The following FNDC5 variants were observed in gnomAD, a reference collection of about 807,000 sequenced individuals.
The protein encoded by FNDC5 is fibronectin type III domain-containing protein 5.
FNDC5 carries 10 observed loss-of-function variants against 24.6 expected under a neutral mutation model. The ratio of observed to expected loss-of-function variants is 0.41; its 90% confidence interval spans 0.25 to 0.69. FNDC5 has a LOEUF of 0.69. FNDC5 is among the 30% of genes least tolerant of loss of function. FNDC5 has a pLI of 0.34. For synonymous variants in FNDC5, 90 were observed against 110.7 expected (o/e 0.81, Z 1.18); for missense variants, 226 against 282.9 (o/e 0.80, Z 1.44).
At chr1:32,870,570 G>T in intron 1 of FNDC5, 83 bp downstream of exon 1, 1 of 875,718 alleles carries the variant, frequency 1.1e-6, no homozygotes, top group Non-Finnish European at 1.5e-6. Flanking sequence ...CTAGGGGGCA[G>T]AGAAAGGACC....
Position 32,863,666 on chromosome 1 carries a change from C to G in FNDC5, c.*628G>C. 4 of 1,286,310 alleles carry G rather than the reference C, an allele frequency of 3.1e-6. No homozygotes were observed. Among genetic ancestry groups the G allele is most frequent in the Non-Finnish European group, 4.1e-6 (4 of 972,688 alleles). 79.7% of individuals were successfully genotyped at this position (1,286,310 alleles called of 1,614,324 possible). A position where few individuals can be genotyped will look rare whatever the true frequency, so the allele number is the denominator to read the frequency against. ...CTCCTCCCCACTGCTGCAGTTGTCCCTCTCCCTGTGCCCGTGGGCCTGGGG... is the reference window on the plus strand; with the variant it reads ...CTCCTCCCCACTGCTGCAGTTGTCCGTCTCCCTGTGCCCGTGGGCCTGGGG... On this transcript the variant is annotated 3_prime_UTR_variant, in exon 6 of 6. Transcript: ENST00000373471.
rs367966100 is a variant in FNDC5, at chr1:32,867,738, G to A, written c.499+15C>T. ...GAATCTGAGGGAAGAAGAAGGTCTC[G>A]GAGGCCAGACTCACCTGCCCACATG... On this transcript the variant is annotated intron_variant, in intron 4 of 5. Coordinates refer to ENST00000373471, the MANE Select transcript of FNDC5 (RefSeq NM_153756.3). The A allele has an allele frequency of 3.9e-5, 63 of 1,611,206 alleles. No homozygotes were observed. In the East Asian group the frequency reaches 6.9e-4, roughly 18 times the overall value.
rs1289483196 is a variant in FNDC5, at chr1:32,868,183, G to A, written c.409+7C>T. 6.2e-7 allele frequency: 1 copy of A among 1,613,782 alleles called. No homozygotes were observed. Among genetic ancestry groups the A allele is most frequent in the Admixed American group, 1.7e-5 (1 of 60,010 alleles). On this transcript the variant is annotated splice_region_variant and intron_variant, in intron 3 of 5. Transcript: ENST00000373471. The surrounding 1 kb of genome is among the most constrained non-coding windows in gnomAD (Gnocchi z 4.8). ...CCCCATTCCTCTTAACAGTGACCCG[G>A]GCCTGCCTTTGTTCTTGGAGGCCAT...
At chr1:32,867,877 T>G (rs371838288) in intron 3 of FNDC5, 35 bp from the exon 4 acceptor site, 2 of 1,604,250 alleles carry the variant, frequency 1.2e-6, no homozygotes, top group African/African-American at 1.3e-5. Flanking sequence ...CAGCACTCCT[T>G]TCCTCCCTCA....
At position 32,863,986 on chromosome 1, in the gene FNDC5, C is replaced by A; in HGVS notation, c.*308G>T. 1 of 1,332,328 alleles carries A rather than the reference C, an allele frequency of 7.5e-7. No individual in the cohort carries two copies. The highest frequency in any genetic ancestry group is 9.7e-7 in the Non-Finnish European group (1 of 1,032,752). 82.5% of individuals were successfully genotyped at this position (1,332,328 alleles called of 1,614,324 possible). On this transcript the variant is annotated 3_prime_UTR_variant, in exon 6 of 6. Coordinates refer to ENST00000373471, the MANE Select transcript of FNDC5 (RefSeq NM_153756.3). ...AAACCCAGCCTTCAGCCTCACTCAA[C>A]TGAATGGCCAAGACTGGGTCCTGGG...
In FNDC5 at chr1:32,870,668, C is replaced by G. The variant is rs1168031346; in HGVS notation, c.79G>C (p.Ala27Pro). The G allele has an allele frequency of 8.3e-7, 1 of 1,207,414 alleles. No homozygotes were observed. Among genetic ancestry groups the G allele is most frequent in the East Asian group, 3.4e-5 (1 of 29,768 alleles). The allele number at this position is 1,207,414 out of a possible 1,614,324, so 74.8% of individuals were successfully genotyped here. ...GCCCCCTTACCCGCCTGCACCAGCG[C>G]GAAGCAGACGCAGCCCAGCCACAGG... The change falls in exon 1 of 6, where the codon GCG (alanine) becomes CCG (proline). Residue 27 changes from alanine (A) to proline (P), a missense_variant. Coordinates refer to ENST00000373471, the MANE Select transcript of FNDC5 (RefSeq NM_153756.3).
chr1:32,867,688 G>A, intron 4 of FNDC5, 65 bp downstream of exon 4: 1 of 1,488,066 alleles, frequency 6.7e-7, no homozygotes, highest in Non-Finnish European at 9.3e-7. Flanking sequence ...GAGAGAAGGG[G>A]CTGGTCAGAG....
rs1258376954 is a variant in FNDC5, at chr1:32,867,730, A to G, written c.499+23T>C. On this transcript the variant is annotated intron_variant, in intron 4 of 5. Coordinates refer to ENST00000373471, the MANE Select transcript of FNDC5 (RefSeq NM_153756.3). ...ATTTCCCAGAATCTGAGGGAAGAAG[A>G]AGGTCTCGGAGGCCAGACTCACCTG... The G allele has an allele frequency of 3.1e-6, 5 of 1,608,220 alleles. No individual in the cohort carries two copies. The East Asian group carries it at 6.7e-5, about 22-fold the overall frequency.
Position 32,864,311 on chromosome 1 carries a change from A to T in FNDC5, c.634-12T>A. 6.2e-7 allele frequency: 1 copy of T among 1,614,094 alleles called. No homozygotes were observed. The highest frequency in any genetic ancestry group is 1.3e-5 in the African/African-American group (1 of 75,054). ...AAAGGTTTTCATATCTGTTTTACAG[A>T]AGAGGAAATGAAGGTACAGCGGTAA... is the stretch of plus-strand genomic sequence containing the variant. On this transcript the variant is annotated splice_polypyrimidine_tract_variant and intron_variant, in intron 5 of 5. Transcript: ENST00000373471.
chr1:32,863,683 G>A lies in FNDC5; in HGVS notation c.*611C>T. 2.3e-6 allele frequency: 3 copies of A among 1,302,872 alleles called. No homozygotes were observed. The South Asian group carries it at 3.7e-5, about 16-fold the overall frequency. 80.7% of individuals were successfully genotyped at this position (1,302,872 alleles called of 1,614,324 possible). A position where few individuals can be genotyped will look rare whatever the true frequency, so the allele number is the denominator to read the frequency against. ...AGTTGTCCCTCTCCCTGTGCCCGTG[G>A]GCCTGGGGACCAGCTGAGAAGAAAA... On this transcript the variant is annotated 3_prime_UTR_variant, in exon 6 of 6. Coordinates refer to ENST00000373471, the MANE Select transcript of FNDC5 (RefSeq NM_153756.3).
intron 4 of FNDC5, among the ~76,000 whole-genome samples, chr1:32,865,162 C>T (rs1298545): frequency 1.3e-4 from 20 of 152,016 alleles, no homozygotes; most frequent in East Asian, 2.0e-4. Context: ...TGCAATGGCG[C>T]GATCTCGGTT....
In FNDC5 at chr1:32,863,422, T is replaced by TC. The variant is rs1275013717; in HGVS notation, c.*871dup. On this transcript the variant is annotated 3_prime_UTR_variant, in exon 6 of 6. Coordinates refer to ENST00000373471, the MANE Select transcript of FNDC5 (RefSeq NM_153756.3). ...CTTGAGTCAGTCCTTGTGCTTGTCA[T>TC]CTCCCAGGGCTTTGTGCATTTTCTC... 6 of 266,566 alleles carry TC rather than the reference T, an allele frequency of 2.3e-5. No homozygotes were observed. The highest frequency in any genetic ancestry group is 4.5e-5 in the Non-Finnish European group (6 of 132,224). The allele number at this position is 266,566 out of a possible 1,614,324, so 16.5% of individuals were successfully genotyped here.
intron 5 of FNDC5, 106 bp from the exon 6 acceptor site, chr1:32,864,405 C>A: frequency 6.5e-7 from 1 of 1,535,706 alleles, no homozygotes. Context: ...CCTATTGTCC[C>A]GCGCCAACCA....
Position 32,867,848 on chromosome 1 carries a change from G to C in FNDC5, c.410-6C>G, listed in dbSNP as rs1202688260. The C allele has an allele frequency of 1.2e-6, 2 of 1,613,654 alleles. No individual in the cohort carries two copies. The highest frequency in any genetic ancestry group is 1.7e-6 in the Non-Finnish European group (2 of 1,179,830). ...CTCTTTCATGGTTACCTCATCTGCAGGGAGAGAGACACTAGATCCAGCACT... is the reference window on the plus strand; with the variant it reads ...CTCTTTCATGGTTACCTCATCTGCACGGAGAGAGACACTAGATCCAGCACT... On this transcript the variant is annotated splice_region_variant and splice_polypyrimidine_tract_variant and intron_variant, in intron 3 of 5. Transcript: ENST00000373471.
In FNDC5 at chr1:32,864,691, G is replaced by C; in HGVS notation, c.606C>G (p.His202Gln). The C allele has an allele frequency of 6.2e-7, 1 of 1,614,150 alleles. No individual in the cohort carries two copies. Among genetic ancestry groups the C allele is most frequent in the Non-Finnish European group, 8.5e-7 (1 of 1,180,040 alleles). The change falls in exon 5 of 6, where the codon CAC becomes CAG. Residue 202 changes from histidine to glutamine, a missense_variant. By Grantham distance (24) the His-to-Gln change is conservative. Transcript: ENST00000373471. ...TGCTGCGGAGAAGCCCCCCGCCCTGGTGCTCTGGTGTGCTGGTTTCTGATG... is the reference window on the plus strand; with the variant it reads ...TGCTGCGGAGAAGCCCCCCGCCCTGCTGCTCTGGTGTGCTGGTTTCTGATG...
At position 32,868,361 on chromosome 1, in the gene FNDC5, T is replaced by A; in HGVS notation, c.238A>T (p.Ile80Phe). ...CGGGTGGTGGTGTTCACCTCCTGGA[T>A]GAAGCGCAGCATCCGCACATCCTTC... Residue 80 changes from isoleucine to phenylalanine, a missense_variant, in exon 3 of 6, where the codon ATC becomes TTC. Physicochemically the swap from Ile to Phe is conservative, Grantham distance 21. Coordinates refer to ENST00000373471, the MANE Select transcript of FNDC5 (RefSeq NM_153756.3). This position sits in a 1 kb window ranked among gnomAD's most constrained non-coding sequence, Gnocchi z 4.8. 1 of 1,614,112 alleles carries A rather than the reference T, an allele frequency of 6.2e-7. No homozygotes were observed. Among genetic ancestry groups the A allele is most frequent in the Non-Finnish European group, 8.5e-7 (1 of 1,179,998 alleles).
chr1:32,867,579 G>A (rs1366016343), intron 4 of FNDC5, among the ~76,000 whole-genome samples, 174 bp downstream of exon 4: 5 of 152,142 alleles, frequency 3.3e-5, no homozygotes, highest in Non-Finnish European at 7.4e-5. Flanking sequence ...TGAAGAGTGA[G>A]GTAGAGAAGG....
At chr1:32,864,915 A>C (rs559654305) in intron 4 of FNDC5, 118 bp from the exon 5 acceptor site, 2 of 1,433,668 alleles carry the variant, frequency 1.4e-6, no homozygotes, top group South Asian at 1.4e-5. Flanking sequence ...GTACTACTGC[A>C]GCACCCTCCC....
At chr1:32,869,225 G>C (rs1278007497) in intron 1 of FNDC5, among the ~76,000 whole-genome samples, 1 of 152,264 alleles carries the variant, frequency 6.6e-6, no homozygotes, top group Non-Finnish European at 1.5e-5. Flanking sequence ...GCCCCTGCTG[G>C]CCACAGGCCG....
Sources: gnomAD v4.1 joint callset for allele counts (sites outside exome capture counted in the v4.1 genomes callset) on GRCh38, gnomAD v4.1.1 for gene constraint, Gnocchi (gnomAD v3.1) non-coding constraint, MANE v1.5 for transcripts, NCBI Gene and HGNC (gene_info 2026-07-23, HGNC 2026-07-21) for gene names.